The following DOCK4 variants were observed in gnomAD, a reference collection of about 807,000 sequenced individuals.
DOCK4 encodes dedicator of cytokinesis 4, also known as dedicator of cytokinesis protein 4.
Under a neutral mutation model 268.1 loss-of-function variants are expected in DOCK4, and 97 were observed. The observed-to-expected ratio is 0.36, with a 90% CI of 0.31 to 0.43. The LOEUF is 0.43. DOCK4 is among the 20% of genes least tolerant of loss of function. The pLI, the probability that DOCK4 is intolerant of heterozygous loss-of-function variation, is 1.00. For missense variants in DOCK4, 2,145 were observed against 2,455.7 expected (o/e 0.87, Z 2.67); for synonymous variants, 954 against 887.2 (o/e 1.08, Z -1.34).
At chr7:111,874,457 G>A (rs970678028) in intron 17 of DOCK4, among the ~76,000 whole-genome samples, 1 of 152,146 alleles carries the variant, frequency 6.6e-6, no homozygotes, top group Non-Finnish European at 1.5e-5. Context: ...CCTGCAAGAA[G>A]GCTGATGAAT....
At chr7:111,963,477 C>T (rs1318959061) in intron 8 of DOCK4, among the ~76,000 whole-genome samples, 3 of 102,824 alleles carry the variant, frequency 2.9e-5, no homozygotes, top group African/African-American at 5.6e-5. Context: ...TCACTCCCAC[C>T]CGAATATTGC....
intron 21 of DOCK4, 23 bp downstream of exon 21, chr7:111,869,551 T>G: frequency 6.2e-7 from 1 of 1,610,814 alleles, no homozygotes; most frequent in African/African-American, 1.3e-5. Context: ...TAGACTCTGC[T>G]GTTATCAACA....
At chr7:111,781,666 T>C in intron 35 of DOCK4, among the ~76,000 whole-genome samples, 1 of 152,146 alleles carries the variant, frequency 6.6e-6, no homozygotes, top group Non-Finnish European at 1.5e-5. Context: ...GTGGGTGTGA[T>C]AAAGACGGAT....
At chr7:112,090,116 T>C (rs1276377465) in intron 1 of DOCK4, among the ~76,000 whole-genome samples, 2 of 152,184 alleles carry the variant, frequency 1.3e-5, no homozygotes, top group Non-Finnish European at 2.9e-5. Context: ...TTTTAGCTTT[T>C]AGTCTCAAGG....
At chr7:111,869,484 A>C in intron 21 of DOCK4, 90 bp downstream of exon 21, 1 of 1,114,712 alleles carries the variant, frequency 9.0e-7, no homozygotes, top group Non-Finnish European at 1.3e-6. Flanking sequence ...ATCATCACCC[A>C]TTACTGTCTG....
chr7:112,110,238 C>T (rs1049352374), intron 1 of DOCK4, among the ~76,000 whole-genome samples: 6 of 152,138 alleles, frequency 3.9e-5, no homozygotes, highest in African/African-American at 1.4e-4. Flanking sequence ...AAAAAAACTG[C>T]TCTTAAAAAC....
In DOCK4 at chr7:112,080,619, G is replaced by A. The variant is rs73715414; in HGVS notation, c.38-76488C>T. 3.8e-3 allele frequency among the ~76,000 whole-genome samples: 575 copies of A among 152,302 alleles called. 3 individuals carry two copies. The highest frequency in any genetic ancestry group is 0.013 in the African/African-American group (541 of 41,574). On this transcript the variant is annotated intron_variant, in intron 1 of 52. Transcript: ENST00000428084. ...TGGTTGGCTACGCACTTGTGACAAT[G>A]TGCAGAAACATCACTTCCCATTTGG...
chr7:111,980,061 A>G (rs560506953), intron 7 of DOCK4, among the ~76,000 whole-genome samples: 1 of 152,338 alleles, frequency 6.6e-6, no homozygotes, highest in East Asian at 1.9e-4. Context: ...GACAGATGCA[A>G]ATCACAGCAA....
chr7:111,741,733 C>T, intron 45 of DOCK4, 72 bp from the exon 46 acceptor site: 2 of 1,540,088 alleles, frequency 1.3e-6, no homozygotes, highest in South Asian at 2.5e-5. Context: ...GACAGGTTAG[C>T]ATACTAGGCA....
chr7:111,748,909 C>T (rs1294962206), intron 42 of DOCK4, among the ~76,000 whole-genome samples: 2 of 152,104 alleles, frequency 1.3e-5, no homozygotes, highest in African/African-American at 4.8e-5. Flanking sequence ...AAACTTCAAT[C>T]ACATGCAATA....
At chr7:111,730,466 G>A (rs750079236) in intron 52 of DOCK4, among the ~76,000 whole-genome samples, 2 of 152,064 alleles carry the variant, frequency 1.3e-5, no homozygotes, top group Non-Finnish European at 1.5e-5. Flanking sequence ...ACAAAATAAC[G>A]CTGGTAGATA....
intron 30 of DOCK4, among the ~76,000 whole-genome samples, chr7:111,802,783 T>C (rs983474202): frequency 2.6e-5 from 4 of 152,100 alleles, no homozygotes; most frequent in African/African-American, 9.7e-5. Context: ...TCACAGAAAA[T>C]AGTTAAAAAA....
At chr7:112,190,414 C>T (rs1038791533) in intron 1 of DOCK4, among the ~76,000 whole-genome samples, 2 of 152,108 alleles carry the variant, frequency 1.3e-5, no homozygotes, top group Non-Finnish European at 2.9e-5. Flanking sequence ...CAGACACTCT[C>T]AAAGAACAGA....
chr7:112,056,923 A>T lies in DOCK4; in HGVS notation c.38-52792T>A, dbSNP rs550795333. 2.0e-5 allele frequency among the ~76,000 whole-genome samples: 3 copies of T among 152,282 alleles called. No individual in the cohort carries two copies. In the South Asian group the frequency reaches 6.2e-4, roughly 32 times the overall value. ...ATATAGTTTTAATATTTTATTAAAC[A>T]TAACTATATATTGTATATTAGACAT... On this transcript the variant is annotated intron_variant, in intron 1 of 52. Transcript: ENST00000428084.
chr7:111,862,994 C>T (rs1213592368), intron 23 of DOCK4: 1 of 217,958 alleles, frequency 4.6e-6, no homozygotes, highest in Non-Finnish European at 9.2e-6. Context: ...ACCACTTGCT[C>T]TTGGGGTAAA....
At chr7:111,908,345 A>G (rs905791564) in intron 13 of DOCK4, among the ~76,000 whole-genome samples, 6 of 151,780 alleles carry the variant, frequency 4.0e-5, no homozygotes, top group Admixed American at 3.3e-4. Context: ...CTACTCGGGA[A>G]GCTGAGGCAG....
chr7:111,904,036 G>T (rs1791362503), intron 13 of DOCK4, among the ~76,000 whole-genome samples: 2 of 152,156 alleles, frequency 1.3e-5, no homozygotes, highest in Admixed American at 1.3e-4. Context: ...TTCTTGGGAA[G>T]GTGCTTTCCA....
At chr7:112,065,681 T>C (rs1207785717) in intron 1 of DOCK4, among the ~76,000 whole-genome samples, 1 of 151,644 alleles carries the variant, frequency 6.6e-6, no homozygotes, top group African/African-American at 2.4e-5. Context: ...CCCCCAGATA[T>C]TCTCATGCAC....
chr7:111,799,811 C>T (rs559743161), intron 30 of DOCK4, among the ~76,000 whole-genome samples: 1 of 152,236 alleles, frequency 6.6e-6, no homozygotes, highest in East Asian at 1.9e-4. Flanking sequence ...ACTTTATAAA[C>T]CCACAAAGAA....
Sources: gnomAD v4.1 joint callset for allele counts (sites outside exome capture counted in the v4.1 genomes callset) on GRCh38, gnomAD v4.1.1 for gene constraint, MANE v1.5 for transcripts, NCBI Gene and HGNC (gene_info 2026-07-23, HGNC 2026-07-21) for gene names.